Variants in FRMD4B observed in about 807,000 individuals in gnomAD.
The protein encoded by FRMD4B is FERM domain containing 4B.
FRMD4B carries 74 observed loss-of-function variants against 141.5 expected under a neutral mutation model. The ratio of observed to expected loss-of-function variants is 0.52; its 90% CI spans 0.43 to 0.63. FRMD4B has a LOEUF of 0.63. Ranked by LOEUF, FRMD4B falls within the 30% of genes least tolerant of loss-of-function variation. The probability of loss-of-function intolerance (pLI) is 0.00; values close to 1 mark genes in which losing one functional copy is unlikely to be tolerated. For synonymous variants in FRMD4B, 506 were observed against 467.9 expected, an observed-to-expected ratio of 1.08 and a Z score of -1.05; for missense variants, 1,366 against 1,253.4, an observed-to-expected ratio of 1.09 and a Z score of -1.36.
rs1203964439 is a variant in FRMD4B at position 69,475,993 on chromosome 3, C to T, written c.-128-43232G>A. Among the ~76,000 whole-genome samples the T allele has an allele frequency of 3.3e-5, 5 of 151,620 alleles. No individual in the cohort carries two copies. In the South Asian group the frequency reaches 6.2e-4, roughly 19 times the overall value. The stretch of plus-strand genomic sequence containing the variant: ...ATTTTTTCATATGTTTTTTTGGCTG[C>T]ATAAATGTCTTCTTTTGAGAACTGT... On this transcript the variant is annotated intron_variant, in intron 1 of 5. Coordinates refer to the FRMD4B transcript ENST00000459638.
intron 1 of FRMD4B, among the ~76,000 whole-genome samples, chr3:69,446,751 T>C (rs750505099): frequency 3.9e-5 from 6 of 152,228 alleles, no homozygotes; most frequent in Admixed American, 1.3e-4. Flanking sequence ...TCTCACTCTC[T>C]GTGAATATCC....
rs1695438938 is a variant in FRMD4B, at chr3:69,408,925, G to T, written c.-1+23709C>A. Among the ~76,000 whole-genome samples the T allele has an allele frequency of 2.0e-5, 3 of 152,108 alleles. No individual in the cohort carries two copies. The South Asian group carries it at 6.2e-4, about 32-fold the overall frequency. ...TGAAGTCAGATTCTATCAACCTGGG[G>T]TAAAATCCCAGCTCTGCACTTACCC... On this transcript the variant is annotated intron_variant, in intron 2 of 5. Transcript: ENST00000459638.
chr3:69,220,804 A>C (rs1186340339), intron 9 of FRMD4B, among the ~76,000 whole-genome samples: 3 of 152,198 alleles, frequency 2.0e-5, no homozygotes, highest in African/African-American at 7.2e-5. Context: ...CAGTGAGATG[A>C]GATTGCATCA....
chr3:69,266,875 G>C (rs925981172), intron 5 of FRMD4B, among the ~76,000 whole-genome samples: 2 of 152,188 alleles, frequency 1.3e-5, no homozygotes, highest in African/African-American at 4.8e-5. Flanking sequence ...AGGAAAAGGT[G>C]ACTTCAGAAT....
At chr3:69,318,996 G>T (rs72934874) in intron 1 of FRMD4B, among the ~76,000 whole-genome samples, 6,021 of 152,226 alleles carry the variant, frequency 0.04, 418 homozygotes, top group African/African-American at 0.14. Context: ...AACCCTGATT[G>T]AAGTGGTGCC....
Position 69,302,408 on chromosome 3 carries a change from A to T in FRMD4B, c.351T>A (p.Asp117Glu). Residue 117 changes from aspartate (D) to glutamate (E), a missense_variant, in exon 4 of 23, where the codon GAT (aspartate) becomes GAA (glutamate). Coordinates refer to ENST00000398540, the MANE Select transcript of FRMD4B (RefSeq NM_015123.3). ...DTGQQNWLQL[D>E]HRVLDHDLPK... Reference sequence around the variant, plus strand: ...GCAAATCGTGGTCAAGAACTCGGTGATCTAACTGCAGCCAGTTCTGCTGAC... The same window carrying T: ...GCAAATCGTGGTCAAGAACTCGGTGTTCTAACTGCAGCCAGTTCTGCTGAC... 1 of 1,605,178 alleles carries T rather than the reference A, an allele frequency of 6.2e-7. No individual in the cohort carries two copies. The highest frequency in any genetic ancestry group is 2.2e-5 in the East Asian group (1 of 44,804).
chr3:69,218,095 C>T (rs1454694491), intron 10 of FRMD4B, among the ~76,000 whole-genome samples: 2 of 152,086 alleles, frequency 1.3e-5, no homozygotes, highest in Non-Finnish European at 2.9e-5. Context: ...GAAAAAAGAC[C>T]AATCAGCAAG....
At chr3:69,375,926 T>C (rs1703960944) in intron 1 of FRMD4B, among the ~76,000 whole-genome samples, 1 of 152,216 alleles carries the variant, frequency 6.6e-6, no homozygotes, top group South Asian at 2.1e-4. Context: ...AAATTTTCAC[T>C]GTACTGTTAT....
intron 9 of FRMD4B, 93 bp from the exon 10 acceptor site, chr3:69,218,472 T>C (rs542967971): frequency 1.7e-4 from 104 of 616,604 alleles, no homozygotes; most frequent in Admixed American, 1.2e-3. Flanking sequence ...GTTTCTACTT[T>C]CCTTATTATA....
chr3:69,398,457 C>T lies in FRMD4B; in HGVS notation c.-1+34177G>A, dbSNP rs574673066. Among the ~76,000 whole-genome samples the T allele has an allele frequency of 5.9e-5, 9 of 152,302 alleles. No individual in the cohort carries two copies. The East Asian group carries it at 1.7e-3, about 29-fold the overall frequency. On this transcript the variant is annotated intron_variant, in intron 2 of 5. Coordinates refer to the FRMD4B transcript ENST00000459638. The stretch of plus-strand genomic sequence containing the variant: ...TGAAACTATATATTATTGTTAATTA[C>T]AGTCATCCTACAGTGCTATAGAACA...
intron 19 of FRMD4B, among the ~76,000 whole-genome samples, chr3:69,183,575 T>C (rs547936663): frequency 4.3e-3 from 635 of 146,380 alleles, no homozygotes; most frequent in Admixed American, 5.5e-3. Context: ...CCCCGCCTCC[T>C]GGGTTCACGC....
intron 3 of FRMD4B, among the ~76,000 whole-genome samples, chr3:69,307,931 T>G (rs1431255934): frequency 6.6e-6 from 1 of 152,170 alleles, no homozygotes; most frequent in Non-Finnish European, 1.5e-5. Context: ...GCCAACGTCT[T>G]CACCCTTGGG....
chr3:69,467,946 C>G (rs1216905577), intron 1 of FRMD4B, among the ~76,000 whole-genome samples: 1 of 152,230 alleles, frequency 6.6e-6, no homozygotes, highest in Non-Finnish European at 1.5e-5. Flanking sequence ...GGGATACACT[C>G]ACCTGGGCCT....
At chr3:69,385,698 C>T in intron 1 of FRMD4B, 130 bp downstream of exon 1, 1 of 774,200 alleles carries the variant, frequency 1.3e-6, no homozygotes, top group South Asian at 2.5e-5. Context: ...GAGCGTTTGA[C>T]CCAAGGGCCA....
chr3:69,308,724 G>A (rs1701475221), intron 3 of FRMD4B, among the ~76,000 whole-genome samples: 1 of 152,020 alleles, frequency 6.6e-6, no homozygotes. Context: ...AGAGGTGTGA[G>A]CCACTGTGCC....
intron 5 of FRMD4B, among the ~76,000 whole-genome samples, chr3:69,259,338 T>C (rs1375317287): frequency 6.6e-6 from 1 of 152,192 alleles, no homozygotes; most frequent in Non-Finnish European, 1.5e-5. Flanking sequence ...GAAGCTTCTC[T>C]CGTTCACCCA....
At chr3:69,180,629 A>T (rs1312753019) in intron 21 of FRMD4B, among the ~76,000 whole-genome samples, 2 of 152,148 alleles carry the variant, frequency 1.3e-5, no homozygotes, top group African/African-American at 2.4e-5. Flanking sequence ...AAAAACCCTA[A>T]AACAGGGCAG....
chr3:69,248,994 G>A (rs1029135620), intron 7 of FRMD4B, among the ~76,000 whole-genome samples: 1 of 152,162 alleles, frequency 6.6e-6, no homozygotes, highest in African/African-American at 2.4e-5. Flanking sequence ...GAACTTTGGA[G>A]AGCTTCTGGT....
chr3:69,493,872 A>G (rs1706343362), intron 1 of FRMD4B, among the ~76,000 whole-genome samples: 1 of 152,196 alleles, frequency 6.6e-6, no homozygotes, highest in Non-Finnish European at 1.5e-5. Flanking sequence ...TATCTTGTTC[A>G]TCTTGGGACC....
Sources: allele counts gnomAD v4.1 joint callset (sites outside exome capture counted in the v4.1 genomes callset), GRCh38; gene constraint gnomAD v4.1.1; transcripts MANE v1.5; gene names NCBI Gene and HGNC (gene_info 2026-07-23, HGNC 2026-07-21).